Variants in PLEKHM3 observed in about 807,000 individuals in gnomAD.
The protein encoded by PLEKHM3 is pleckstrin homology domain-containing family M member 3.
Under a neutral mutation model 81.8 loss-of-function variants are expected in PLEKHM3, and 45 were observed. The observed-to-expected ratio is 0.55, with a 90% CI of 0.43 to 0.71. The LOEUF (loss-of-function observed/expected upper bound fraction) is 0.71, where lower values mean the gene tolerates loss of function less well. Among genes scored for constraint, PLEKHM3 ranks in the 30% least tolerant of loss-of-function variants. The probability of loss-of-function intolerance (pLI) is 0.00; values close to 1 mark genes in which losing one functional copy is unlikely to be tolerated. For synonymous variants in PLEKHM3, 352 were observed against 356.4 expected, an observed-to-expected ratio of 0.99 and a Z score of 0.14; for missense variants, 788 against 924.3, an observed-to-expected ratio of 0.85 and a Z score of 1.91.
At chr2:207,963,939 T>C (rs779345883) in intron 3 of PLEKHM3, among the ~76,000 whole-genome samples, 1 of 152,212 alleles carries the variant, frequency 6.6e-6, no homozygotes, top group South Asian at 2.1e-4. Flanking sequence ...TGGCTGGGCA[T>C]GGTGGCTCAC....
chr2:207,984,711 A>G (rs1184209323), intron 2 of PLEKHM3, among the ~76,000 whole-genome samples: 1 of 152,176 alleles, frequency 6.6e-6, no homozygotes, highest in Non-Finnish European at 1.5e-5. Flanking sequence ...GTTTGTTTGA[A>G]TGAGTTCATA....
intron 6 of PLEKHM3, among the ~76,000 whole-genome samples, chr2:207,892,331 A>G (rs1475577849): frequency 6.6e-6 from 1 of 152,176 alleles, no homozygotes; most frequent in Non-Finnish European, 1.5e-5. Context: ...ACAGCATACC[A>G]TTTACCATAC....
chr2:207,861,771 TA>T (rs548566889), intron 6 of PLEKHM3, among the ~76,000 whole-genome samples: 1 of 152,114 alleles, frequency 6.6e-6, no homozygotes, highest in East Asian at 1.9e-4. Context: ...GTAAGTATAG[TA>T]AAAAAAAGCT....
chr2:208,016,721 C>G (rs1007585753), intron 1 of PLEKHM3, among the ~76,000 whole-genome samples: 4 of 147,388 alleles, frequency 2.7e-5, no homozygotes, highest in Non-Finnish European at 4.5e-5. Context: ...ACCATACTAC[C>G]ATGAAAATAC....
At chr2:208,024,997 CAG>C (rs1693280303) in intron 1 of PLEKHM3, among the ~76,000 whole-genome samples, 2 of 152,188 alleles carry the variant, frequency 1.3e-5, no homozygotes. Flanking sequence ...TAAAAACGGA[CAG>C]AGTCGACAGA....
At chr2:207,854,833 G>C (rs1038199478) in intron 7 of PLEKHM3, among the ~76,000 whole-genome samples, 1 of 152,198 alleles carries the variant, frequency 6.6e-6, no homozygotes, top group Non-Finnish European at 1.5e-5. Flanking sequence ...ATGCTAATGT[G>C]GTTATTTTGG....
intron 7 of PLEKHM3, 148 bp downstream of exon 7, chr2:207,860,957 G>A: frequency 1.1e-6 from 1 of 889,848 alleles, no homozygotes. Context: ...AAACCAAAGG[G>A]GGAAACATGT....
At chr2:207,968,726 TA>T (rs1691010390) in intron 3 of PLEKHM3, among the ~76,000 whole-genome samples, 1 of 152,220 alleles carries the variant, frequency 6.6e-6, no homozygotes, top group South Asian at 2.1e-4. Flanking sequence ...CCTCCACAGT[TA>T]TATTCAAAGT....
chr2:207,989,930 G>C (rs559792210), intron 2 of PLEKHM3, among the ~76,000 whole-genome samples: 1 of 152,322 alleles, frequency 6.6e-6, no homozygotes, highest in Non-Finnish European at 1.5e-5. Context: ...TGATGGCATG[G>C]AGGAGCAGAT....
At chr2:207,998,828 A>C (rs1302563941) in intron 2 of PLEKHM3, among the ~76,000 whole-genome samples, 2 of 152,164 alleles carry the variant, frequency 1.3e-5, no homozygotes, top group African/African-American at 4.8e-5. Context: ...GGGATTTAGA[A>C]TGGTTAAGGA....
chr2:207,982,442 T>A (rs1327365751), intron 2 of PLEKHM3, among the ~76,000 whole-genome samples: 2 of 152,072 alleles, frequency 1.3e-5, no homozygotes, highest in African/African-American at 4.8e-5. Flanking sequence ...GTTCATTTTT[T>A]AATTTTTTAT....
chr2:207,996,024 T>C (rs1253427461), intron 2 of PLEKHM3, among the ~76,000 whole-genome samples: 1 of 152,242 alleles, frequency 6.6e-6, no homozygotes, highest in Non-Finnish European at 1.5e-5. Context: ...CACCAGGCTT[T>C]GTGCTCATCA....
intron 4 of PLEKHM3, among the ~76,000 whole-genome samples, chr2:207,940,055 T>C (rs1297672537): frequency 1.3e-5 from 2 of 152,148 alleles, no homozygotes. Context: ...TTGGGAACTG[T>C]TGAGTTTGAT....
At chr2:207,998,721 A>G (rs1193511494) in intron 2 of PLEKHM3, among the ~76,000 whole-genome samples, 1 of 152,214 alleles carries the variant, frequency 6.6e-6, no homozygotes, top group African/African-American at 2.4e-5. Flanking sequence ...AGGTCTTTAC[A>G]GAGCCTAATG....
chr2:207,974,300 G>C (rs1250586622), intron 3 of PLEKHM3, among the ~76,000 whole-genome samples: 1 of 152,054 alleles, frequency 6.6e-6, no homozygotes, highest in Admixed American at 6.6e-5. Flanking sequence ...ATGCGAATGA[G>C]CTTGCTGAAT....
intron 5 of PLEKHM3, among the ~76,000 whole-genome samples, chr2:207,921,299 AGC>A (rs1462055196): frequency 6.6e-6 from 1 of 152,124 alleles, no homozygotes; most frequent in African/African-American, 2.4e-5. Context: ...TGCCTGCCTC[AGC>A]CTCCCAAAGT....
intron 6 of PLEKHM3, among the ~76,000 whole-genome samples, chr2:207,898,127 T>C (rs1035588899): frequency 6.6e-6 from 1 of 152,232 alleles, no homozygotes; most frequent in Non-Finnish European, 1.5e-5. Flanking sequence ...AATTCAGCAT[T>C]CATTAGTTTG....
intron 6 of PLEKHM3, among the ~76,000 whole-genome samples, chr2:207,895,277 G>C (rs1298291571): frequency 6.6e-6 from 1 of 152,152 alleles, no homozygotes; most frequent in Non-Finnish European, 1.5e-5. Flanking sequence ...ACCATACCAA[G>C]TCAGGGATGG....
At chr2:207,999,706 C>T (rs559795483) in intron 2 of PLEKHM3, among the ~76,000 whole-genome samples, 24 of 152,148 alleles carry the variant, frequency 1.6e-4, no homozygotes, top group Admixed American at 1.0e-3. Context: ...TGAGAGCCTA[C>T]GAGAGAAGAC....
Sources: gnomAD v4.1 joint callset for allele counts (sites outside exome capture counted in the v4.1 genomes callset) on GRCh38, gnomAD v4.1.1 for gene constraint, MANE v1.5 for transcripts, NCBI Gene and HGNC (gene_info 2026-07-23, HGNC 2026-07-21) for gene names.